The following SEC24D variants were observed in gnomAD, a reference collection of about 807,000 sequenced individuals.
SEC24D encodes the protein protein transport protein Sec24D.
A neutral mutation model predicts 116.9 loss-of-function variants in SEC24D; 69 were observed. The ratio of observed to expected loss-of-function variants is 0.59; its 90% CI spans 0.49 to 0.72. The LOEUF is 0.72. SEC24D is among the 30% of genes least tolerant of loss of function. SEC24D has a pLI of 0.00. For synonymous variants in SEC24D, 405 were observed against 442.8 expected, an observed-to-expected ratio of 0.91 and a Z score of 1.07; for missense variants, 1,131 against 1,264.1, an observed-to-expected ratio of 0.89 and a Z score of 1.60.
At chr4:118,737,410 TTTTC>T (rs1560612702) in intron 19 of SEC24D, among the ~76,000 whole-genome samples, 1 of 152,216 alleles carries the variant, frequency 6.6e-6, no homozygotes, top group African/African-American at 2.4e-5. Flanking sequence ...AGTGTGTTTG[TTTTC>T]TTTCTTTGCC....
chr4:118,812,911 C>T (rs571772238), intron 6 of SEC24D, among the ~76,000 whole-genome samples: 12 of 152,290 alleles, frequency 7.9e-5, no homozygotes, highest in African/African-American at 2.9e-4. Context: ...CACCCCTAGA[C>T]ACTGCCATGG....
intron 8 of SEC24D, among the ~76,000 whole-genome samples, chr4:118,777,042 A>T (rs1406943309): frequency 6.6e-6 from 1 of 152,144 alleles, no homozygotes; most frequent in Non-Finnish European, 1.5e-5. Context: ...CATTAGTCTT[A>T]CTTCTTTATA....
chr4:118,745,242 C>G (rs921790703), intron 13 of SEC24D, among the ~76,000 whole-genome samples, 182 bp from the exon 14 acceptor site: 1 of 152,148 alleles, frequency 6.6e-6, no homozygotes, highest in East Asian at 1.9e-4. Context: ...GATTAGAAAA[C>G]TGAGGCTGAG....
At chr4:118,737,502 T>A (rs769194086) in intron 19 of SEC24D, among the ~76,000 whole-genome samples, 37 of 152,210 alleles carry the variant, frequency 2.4e-4, no homozygotes, top group Non-Finnish European at 4.6e-4. Context: ...GGGCTTCAGA[T>A]GTCCTCTCAG....
In SEC24D at chr4:118,815,709, G is replaced by C; in HGVS notation, c.415C>G (p.Pro139Ala). 2 of 1,613,956 alleles carry C rather than the reference G, an allele frequency of 1.2e-6. No individual in the cohort carries two copies. The highest frequency in any genetic ancestry group is 2.2e-5 in the South Asian group (2 of 91,074). ...INSYGSGMAPPSQGPPGPLSA... is the reference protein window; with the variant it reads ...INSYGSGMAPASQGPPGPLSA... ...AGAGGGCCAGGGGGTCCCTGGCTTG[G>C]AGGAGCCATGCCTGAACCTGTGTGA... The change falls in exon 5 of 23, where the codon CCA becomes GCA. Residue 139 changes from proline (P) to alanine (A), a missense_variant. By Grantham distance (27) the Pro-to-Ala change is conservative. Transcript: ENST00000280551.
intron 14 of SEC24D, 124 bp downstream of exon 14, chr4:118,744,820 T>G (rs766347677): frequency 5.0e-6 from 3 of 599,694 alleles, no homozygotes; most frequent in Non-Finnish European, 8.9e-6. Flanking sequence ...TCCTGTAATA[T>G]GCAATGCCCT....
chr4:118,742,129 T>C (rs1026577269), intron 15 of SEC24D, among the ~76,000 whole-genome samples: 2 of 152,140 alleles, frequency 1.3e-5, no homozygotes, highest in Non-Finnish European at 2.9e-5. Context: ...TATCCTTTTA[T>C]ATCAGAAATG....
rs1481306661 is a variant in SEC24D, at chr4:118,743,975, T to C, written c.1995+13A>G. Reference sequence around the variant, plus strand: ...GAGTAGAAGACCAAGGTGAACAAATTGCTGGCATTTACCTGGAAATTGTTG... The same window carrying C: ...GAGTAGAAGACCAAGGTGAACAAATCGCTGGCATTTACCTGGAAATTGTTG... On this transcript the variant is annotated intron_variant, in intron 15 of 22. Transcript: ENST00000280551. 6.3e-7 allele frequency: 1 copy of C among 1,590,538 alleles called. No homozygotes were observed. Among genetic ancestry groups the C allele is most frequent in the Non-Finnish European group, 8.6e-7 (1 of 1,169,328 alleles).
chr4:118,752,189 A>T (rs1229238340), intron 12 of SEC24D, 100 bp from the exon 13 acceptor site: 5 of 767,102 alleles, frequency 6.5e-6, no homozygotes, highest in South Asian at 5.4e-5. Flanking sequence ...CACATATGGT[A>T]TTTATTTGAC....
At chr4:118,729,109 T>TA (rs1166608711) in intron 21 of SEC24D, 1 of 152,680 alleles carries the variant, frequency 6.5e-6, no homozygotes, top group Non-Finnish European at 1.5e-5. Context: ...TTAGGTGTTA[T>TA]AAGTAATCTT....
chr4:118,811,714 T>G, intron 6 of SEC24D, among the ~76,000 whole-genome samples: 1 of 152,236 alleles, frequency 6.6e-6, no homozygotes, highest in Admixed American at 6.5e-5. Context: ...AAACCATTAC[T>G]TAAAATAAAT....
chr4:118,810,685 A>C (rs1004299615), intron 6 of SEC24D, among the ~76,000 whole-genome samples: 3 of 152,210 alleles, frequency 2.0e-5, no homozygotes, highest in Non-Finnish European at 4.4e-5. Context: ...GCCTGAGAAC[A>C]TGAATTTTTA....
chr4:118,824,476 G>A, intron 3 of SEC24D, 144 bp downstream of exon 3: 1 of 819,994 alleles, frequency 1.2e-6, no homozygotes, highest in Non-Finnish European at 1.9e-6. Flanking sequence ...GTTTCCTAGG[G>A]CAGTTATCTA....
chr4:118,743,190 TA>T (rs1726320905), intron 15 of SEC24D, among the ~76,000 whole-genome samples: 1 of 152,190 alleles, frequency 6.6e-6, no homozygotes, highest in Non-Finnish European at 1.5e-5. Flanking sequence ...CAGTCACTTT[TA>T]AAAACATTAT....
At chr4:118,739,061 C>T in intron 18 of SEC24D, 88 bp downstream of exon 18, 1 of 1,378,322 alleles carries the variant, frequency 7.3e-7, no homozygotes, top group Non-Finnish European at 1.0e-6. Context: ...CATAAGGTTG[C>T]AAAACTACAG....
intron 19 of SEC24D, 56 bp from the exon 20 acceptor site, chr4:118,732,968 T>A: frequency 7.1e-7 from 1 of 1,415,590 alleles, no homozygotes; most frequent in Non-Finnish European, 9.9e-7. Flanking sequence ...AACAATTCCC[T>A]GAGCTTCATC....
chr4:118,826,878 C>T lies in SEC24D; in HGVS notation c.119-2129G>A, dbSNP rs78109052. On this transcript the variant is annotated intron_variant, in intron 2 of 22. Coordinates refer to ENST00000280551, the MANE Select transcript of SEC24D (RefSeq NM_014822.4). ...TCAAATCATTCTCATTATTATTCAA[C>T]ATACATTTAAGGTGCCTTTGAGCCA... Among the ~76,000 whole-genome samples, 544 of 152,246 alleles carry T rather than the reference C, an allele frequency of 3.6e-3. 1 individual carries two copies. Among genetic ancestry groups the T allele is most frequent in the African/African-American group, 0.012 (512 of 41,526 alleles).
chr4:118,782,117 T>C (rs1728442283), intron 8 of SEC24D, among the ~76,000 whole-genome samples: 1 of 152,204 alleles, frequency 6.6e-6, no homozygotes, highest in Non-Finnish European at 1.5e-5. Flanking sequence ...CCATCTAGCT[T>C]TGTTCCATTG....
intron 8 of SEC24D, among the ~76,000 whole-genome samples, chr4:118,795,328 C>G (rs2110503324): frequency 6.6e-6 from 1 of 151,704 alleles, no homozygotes; most frequent in South Asian, 2.1e-4. Context: ...CCTGCCTCAG[C>G]CTCCCGAGTA....
Sources: allele counts gnomAD v4.1 joint callset (sites outside exome capture counted in the v4.1 genomes callset), GRCh38; gene constraint gnomAD v4.1.1; transcripts MANE v1.5; gene names NCBI Gene and HGNC (gene_info 2026-07-23, HGNC 2026-07-21).